PCBP3: variants seen among roughly 807,000 people sequenced by gnomAD.
PCBP3 encodes poly(rC)-binding protein 3.
A neutral mutation model predicts 52.7 loss-of-function variants in PCBP3; 25 were observed. The observed-to-expected ratio is 0.47, with a 90% CI of 0.35 to 0.66. The LOEUF is 0.66. Among genes scored for constraint, PCBP3 ranks in the 30% least tolerant of loss-of-function variants. The probability of loss-of-function intolerance (pLI) is 0.01; values close to 1 mark genes in which losing one functional copy is unlikely to be tolerated. For synonymous variants in PCBP3, 162 were observed against 183.0 expected (o/e 0.89, Z 0.93); for missense variants, 391 against 490.3 (o/e 0.80, Z 1.91).
chr21:45,843,201 T>A (rs1302905116), intron 4 of PCBP3, among the ~76,000 whole-genome samples: 2 of 145,796 alleles, frequency 1.4e-5, no homozygotes, highest in Non-Finnish European at 2.9e-5. Context: ...AGTTGTTGGC[T>A]GTGCTCAGCA....
At chr21:45,884,507 CAT>C (rs2095473903) in intron 5 of PCBP3, among the ~76,000 whole-genome samples, 1 of 152,034 alleles carries the variant, frequency 6.6e-6, no homozygotes, top group Non-Finnish European at 1.5e-5. Context: ...ACATATATAA[CAT>C]ACACATATGC....
chr21:45,834,769 A>G (rs765601220), intron 4 of PCBP3, among the ~76,000 whole-genome samples: 2 of 152,256 alleles, frequency 1.3e-5, no homozygotes, highest in Admixed American at 6.5e-5. Flanking sequence ...TAAAAGGACA[A>G]AGCAGACTTC....
chr21:45,807,355 T>G (rs1209538421), intron 4 of PCBP3, among the ~76,000 whole-genome samples: 1 of 152,122 alleles, frequency 6.6e-6, no homozygotes, highest in Non-Finnish European at 1.5e-5. Context: ...GGATACAAAA[T>G]CAAAGTGCAA....
intron 5 of PCBP3, among the ~76,000 whole-genome samples, chr21:45,863,511 G>T (rs1160632518): frequency 6.6e-6 from 1 of 152,228 alleles, no homozygotes; most frequent in Non-Finnish European, 1.5e-5. Flanking sequence ...CAGCGCATGA[G>T]TGCTGGGTCC....
chr21:45,702,119 G>T (rs986226378), intron 2 of PCBP3, among the ~76,000 whole-genome samples: 14 of 152,258 alleles, frequency 9.2e-5, no homozygotes, highest in African/African-American at 2.9e-4. Flanking sequence ...GTTAGATAGG[G>T]CGTCAAAACT....
Position 45,917,574 on chromosome 21 carries a change from C to G in PCBP3, c.676-14C>G. On this transcript the variant is annotated splice_polypyrimidine_tract_variant and intron_variant, in intron 12 of 17. Transcript: ENST00000681687. This position sits in a 1 kb window ranked among gnomAD's most constrained non-coding sequence, Gnocchi z 5.3. ...GCCAGGTTGCAGTCTGACGGGGTCT[C>G]TCTCTCTCTCTAGGCCTACACAATC... is the stretch of plus-strand genomic sequence containing the variant. The G allele has an allele frequency of 6.3e-7, 1 of 1,595,174 alleles. No homozygotes were observed. Among genetic ancestry groups the G allele is most frequent in the Non-Finnish European group, 8.6e-7 (1 of 1,165,106 alleles).
At chr21:45,933,509 C>G (rs1400876913) in intron 15 of PCBP3, among the ~76,000 whole-genome samples, 4 of 152,234 alleles carry the variant, frequency 2.6e-5, no homozygotes, top group African/African-American at 9.6e-5. Flanking sequence ...TCAGGAATTT[C>G]TGTCTAGGAC....
chr21:45,782,683 C>T (rs2090731217), intron 4 of PCBP3, among the ~76,000 whole-genome samples: 1 of 152,202 alleles, frequency 6.6e-6, no homozygotes, highest in African/African-American at 2.4e-5. Context: ...ATTCATGAAA[C>T]AGCCTACCCT....
chr21:45,832,187 A>T (rs1172108984), intron 4 of PCBP3, among the ~76,000 whole-genome samples: 1 of 152,156 alleles, frequency 6.6e-6, no homozygotes, highest in African/African-American at 2.4e-5. Flanking sequence ...AGGGGATTTT[A>T]CACCATACGG....
intron 4 of PCBP3, among the ~76,000 whole-genome samples, chr21:45,784,422 C>A (rs1202640476): frequency 1.2e-5 from 1 of 81,824 alleles, no homozygotes; most frequent in Non-Finnish European, 2.7e-5. Flanking sequence ...ACCGCTACCC[C>A]TACCTCCTAC....
intron 4 of PCBP3, among the ~76,000 whole-genome samples, chr21:45,797,731 G>A (rs903049729): frequency 1.6e-3 from 65 of 41,198 alleles, no homozygotes; most frequent in African/African-American, 2.1e-3. Context: ...ATGGATGGAC[G>A]AGTGCGTGGA....
At chr21:45,648,906 T>C (rs1278323830) in intron 1 of PCBP3, among the ~76,000 whole-genome samples, 1 of 152,228 alleles carries the variant, frequency 6.6e-6, no homozygotes, top group East Asian at 1.9e-4. Flanking sequence ...CTTTATCCTT[T>C]TAAATGTGCT....
intron 2 of PCBP3, among the ~76,000 whole-genome samples, chr21:45,721,515 C>T (rs1014201733): frequency 2.0e-5 from 3 of 151,832 alleles, no homozygotes; most frequent in Admixed American, 6.6e-5. Context: ...TTTGTGGCCT[C>T]GAGTTCACAA....
intron 2 of PCBP3, among the ~76,000 whole-genome samples, chr21:45,676,378 T>A (rs910819052): frequency 1.3e-5 from 2 of 148,342 alleles, no homozygotes; most frequent in Admixed American, 6.7e-5. Flanking sequence ...TTTTTTTTTT[T>A]AAACAAATTT....
At chr21:45,862,795 C>T (rs1256198018) in intron 5 of PCBP3, among the ~76,000 whole-genome samples, 1 of 152,248 alleles carries the variant, frequency 6.6e-6, no homozygotes, top group East Asian at 1.9e-4. Context: ...CTTCTCTTTG[C>T]ATTCACATTT....
chr21:45,755,645 A>G (rs1485298582), intron 4 of PCBP3, among the ~76,000 whole-genome samples, 193 bp downstream of exon 4: 1 of 152,186 alleles, frequency 6.6e-6, no homozygotes. Flanking sequence ...GTCACATTAT[A>G]GTTTTAATTT....
chr21:45,853,220 C>T lies in PCBP3; in HGVS notation c.10+3125C>T, dbSNP rs1049807628. Among the ~76,000 whole-genome samples the T allele has an allele frequency of 1.3e-5, 2 of 152,186 alleles. No homozygotes were observed. Among genetic ancestry groups the T allele is most frequent in the African/African-American group, 4.8e-5 (2 of 41,430 alleles). ...TGGAGACAGATGCACACAGCATCTC[C>T]TTGTTGTGCTCCGTGGATGTCGGGG... On this transcript the variant is annotated intron_variant, in intron 5 of 17. Transcript: ENST00000681687. This position sits in a 1 kb window ranked among gnomAD's most constrained non-coding sequence, Gnocchi z 4.6.
intron 5 of PCBP3, among the ~76,000 whole-genome samples, chr21:45,885,039 TTCA>T (rs1448469965): frequency 6.6e-6 from 1 of 152,182 alleles, no homozygotes; most frequent in Non-Finnish European, 1.5e-5. Context: ...ATTCCAAGAT[TTCA>T]TCATTATTTC....
At chr21:45,767,041 C>T (rs1054161862) in intron 4 of PCBP3, among the ~76,000 whole-genome samples, 1 of 152,222 alleles carries the variant, frequency 6.6e-6, no homozygotes, top group East Asian at 1.9e-4. Context: ...TCACTCCCCT[C>T]CCCCCTTTTA....
Sources: allele counts gnomAD v4.1 joint callset (sites outside exome capture counted in the v4.1 genomes callset), GRCh38; gene constraint gnomAD v4.1.1; non-coding constraint Gnocchi (gnomAD v3.1); transcripts MANE v1.5; gene names NCBI Gene and HGNC (gene_info 2026-07-23, HGNC 2026-07-21).